CNTNAP2: variants seen among roughly 807,000 people sequenced by gnomAD.
CNTNAP2 encodes contactin-associated protein-like 2.
A neutral mutation model predicts 155.2 loss-of-function variants in CNTNAP2; 98 were observed. The ratio of observed to expected loss-of-function variants is 0.63; its 90% CI spans 0.54 to 0.75. The LOEUF is 0.75. Ranked by LOEUF, CNTNAP2 falls within the 30% of genes least tolerant of loss-of-function variation. The pLI is 0.00. For missense variants in CNTNAP2, 1,727 were observed against 1,688.1 expected (o/e 1.02, Z -0.40); for synonymous variants, 651 against 631.2 (o/e 1.03, Z -0.47).
chr7:148,042,051 C>T (rs1187578042), intron 15 of CNTNAP2, among the ~76,000 whole-genome samples: 2 of 152,170 alleles, frequency 1.3e-5, no homozygotes, highest in Admixed American at 6.5e-5. Context: ...GCTGAAGTTA[C>T]AGAAGGCCAC....
intron 2 of CNTNAP2, among the ~76,000 whole-genome samples, chr7:146,828,152 A>C (rs1325777198): frequency 6.6e-6 from 1 of 152,054 alleles, no homozygotes. Context: ...TATTTGCTGA[A>C]TGAATGAACC....
At chr7:147,263,779 T>C (rs1192580026) in intron 8 of CNTNAP2, among the ~76,000 whole-genome samples, 1 of 152,232 alleles carries the variant, frequency 6.6e-6, no homozygotes, top group African/African-American at 2.4e-5. Flanking sequence ...TATGGATGGA[T>C]ACCTTGATAT....
At chr7:146,706,499 T>A (rs1800968035) in intron 1 of CNTNAP2, among the ~76,000 whole-genome samples, 2 of 152,146 alleles carry the variant, frequency 1.3e-5, no homozygotes. Context: ...TTTATCTAAA[T>A]GAATAGTATA....
intron 1 of CNTNAP2, among the ~76,000 whole-genome samples, chr7:146,572,581 G>C (rs190590288): frequency 6.6e-6 from 1 of 152,086 alleles, no homozygotes; most frequent in Non-Finnish European, 1.5e-5. Context: ...TGTTCCCAGC[G>C]GGCAGGGGAC....
At chr7:147,300,075 ATTT>A in intron 8 of CNTNAP2, 63 bp from the exon 9 acceptor site, 1 of 1,535,548 alleles carries the variant, frequency 6.5e-7, no homozygotes, top group Non-Finnish European at 9.0e-7. Context: ...TGATTTGTTG[ATTT>A]TGGAAATTGT....
rs950707123 is a variant in CNTNAP2 at position 147,888,160 on chromosome 7, G to A, written c.2099-15405G>A. ...TGTGAATCAATAGAGATAACTAATA[G>A]CATTTTCAGTCCTACAGAATCTTCA... On this transcript the variant is annotated intron_variant, in intron 13 of 23. Transcript: ENST00000361727. Among the ~76,000 whole-genome samples the A allele has an allele frequency of 2.0e-5, 3 of 152,030 alleles. No homozygotes were observed. In the East Asian group the frequency reaches 5.8e-4, roughly 29 times the overall value.
intron 1 of CNTNAP2, among the ~76,000 whole-genome samples, chr7:146,660,535 G>T (rs1235616625): frequency 6.6e-6 from 1 of 152,174 alleles, no homozygotes; most frequent in African/African-American, 2.4e-5. Flanking sequence ...GTGTATAACA[G>T]CTATCTCAAT....
At chr7:147,250,184 A>G (rs1804164805) in intron 8 of CNTNAP2, among the ~76,000 whole-genome samples, 1 of 152,160 alleles carries the variant, frequency 6.6e-6, no homozygotes. Context: ...GAACACCCAT[A>G]AAAACAAATC....
At chr7:147,569,815 C>T (rs1231988300) in intron 12 of CNTNAP2, among the ~76,000 whole-genome samples, 3 of 152,218 alleles carry the variant, frequency 2.0e-5, no homozygotes, top group Non-Finnish European at 4.4e-5. Context: ...TGTCAAGGCA[C>T]AGGTGACCTG....
chr7:146,986,373 G>A lies in CNTNAP2; in HGVS notation c.403-57534G>A, dbSNP rs182004148. Among the ~76,000 whole-genome samples, 586 of 152,158 alleles carry A rather than the reference G, an allele frequency of 3.9e-3. 2 individuals are homozygous for A. The highest frequency in any genetic ancestry group is 0.013 in the African/African-American group (540 of 41,516). On this transcript the variant is annotated intron_variant, in intron 3 of 23. Coordinates refer to ENST00000361727, the MANE Select transcript of CNTNAP2 (RefSeq NM_014141.6). ...CTGAGCAGTATTCCATCATATATAT[G>A]TACACCGCAGTTTCTTTATCCACTC...
At chr7:147,909,428 C>G (rs1800021198) in intron 14 of CNTNAP2, among the ~76,000 whole-genome samples, 1 of 152,010 alleles carries the variant, frequency 6.6e-6, no homozygotes, top group Non-Finnish European at 1.5e-5. Context: ...AAAATGGAGC[C>G]AGGATAAATG....
At chr7:147,421,205 A>G (rs1797285390) in intron 10 of CNTNAP2, among the ~76,000 whole-genome samples, 1 of 152,206 alleles carries the variant, frequency 6.6e-6, no homozygotes, top group African/African-American at 2.4e-5. Context: ...AGCATCATGT[A>G]AAATGTTATT....
chr7:147,906,892 T>C (rs553695973), intron 14 of CNTNAP2, among the ~76,000 whole-genome samples: 101 of 152,296 alleles, frequency 6.6e-4, no homozygotes, highest in African/African-American at 2.3e-3. Flanking sequence ...CAAGCTTCAA[T>C]TGAGTTCTAA....
intron 3 of CNTNAP2, among the ~76,000 whole-genome samples, chr7:146,934,745 C>G (rs1485981870): frequency 1.3e-5 from 2 of 152,034 alleles, no homozygotes; most frequent in East Asian, 3.9e-4. Flanking sequence ...GAATCATGAC[C>G]AAGTCAAGTT....
intron 14 of CNTNAP2, among the ~76,000 whole-genome samples, chr7:147,928,853 G>A (rs1800445596): frequency 6.6e-6 from 1 of 152,120 alleles, no homozygotes; most frequent in East Asian, 1.9e-4. Context: ...GACTTTGAGA[G>A]GCTGAAGGGG....
Position 147,229,056 on chromosome 7 carries a change from T to TAG in CNTNAP2, c.1349-71075_1349-71074dup, listed in dbSNP as rs3084363. Among the ~76,000 whole-genome samples the TAG allele has an allele frequency of 1.6e-3, 240 of 151,766 alleles. 1 individual carries two copies. Among genetic ancestry groups the TAG allele is most frequent in the East Asian group, 5.7e-3 (29 of 5,110 alleles). On this transcript the variant is annotated intron_variant, in intron 8 of 23. Transcript: ENST00000361727. ...CACATTTTCTTTATATATATATATA[T>TAG]AGAGAGAGAGACTAGATAGAAACTC... is the stretch of plus-strand genomic sequence containing the variant.
intron 1 of CNTNAP2, among the ~76,000 whole-genome samples, chr7:146,578,089 A>C (rs1798552668): frequency 6.6e-6 from 1 of 152,118 alleles, no homozygotes. Flanking sequence ...TTTGTTCCTA[A>C]TTTCTTTAAT....
At chr7:147,298,915 C>CA (rs1247660369) in intron 8 of CNTNAP2, among the ~76,000 whole-genome samples, 1 of 152,244 alleles carries the variant, frequency 6.6e-6, no homozygotes, top group Non-Finnish European at 1.5e-5. Context: ...AGCCAGATTT[C>CA]AGCCACAAAC....
chr7:146,936,331 C>G (rs982713559), intron 3 of CNTNAP2, among the ~76,000 whole-genome samples: 2 of 152,158 alleles, frequency 1.3e-5, no homozygotes, highest in African/African-American at 2.4e-5. Flanking sequence ...GATCCTAGAA[C>G]AGACGAGGTT....
Sources: allele counts gnomAD v4.1 joint callset (sites outside exome capture counted in the v4.1 genomes callset), GRCh38; gene constraint gnomAD v4.1.1; transcripts MANE v1.5; gene names NCBI Gene and HGNC (gene_info 2026-07-23, HGNC 2026-07-21).